PDIA5: variants seen among roughly 807,000 people sequenced by gnomAD.
PDIA5 encodes protein disulfide-isomerase A5.
PDIA5 carries 58 observed loss-of-function variants against 77.6 expected under a neutral mutation model. The observed-to-expected ratio is 0.75, with a 90% CI of 0.61 to 0.93. The LOEUF (loss-of-function observed/expected upper bound fraction) is 0.93, where lower values mean the gene tolerates loss of function less well. Ranked by LOEUF, PDIA5 falls within the 40% of genes least tolerant of loss-of-function variation. The pLI, the probability that PDIA5 is intolerant of heterozygous loss-of-function variation, is 0.00. For synonymous variants in PDIA5, 250 were observed against 252.1 expected (o/e 0.99, Z 0.08); for missense variants, 630 against 647.7 (o/e 0.97, Z 0.30).
chr3:123,155,375 A>G (rs954061520), intron 15 of PDIA5, among the ~76,000 whole-genome samples: 2 of 152,260 alleles, frequency 1.3e-5, no homozygotes, highest in African/African-American at 2.4e-5. Flanking sequence ...ATACAAATTT[A>G]AAAATCCAAC....
At chr3:123,145,224 T>C (rs1160117212) in intron 11 of PDIA5, 2 of 331,194 alleles carry the variant, frequency 6.0e-6, no homozygotes, top group East Asian at 1.3e-4. Flanking sequence ...ATGGAGATAA[T>C]GTCAGTTCCT....
At chr3:123,131,983 T>C (rs1031967428) in intron 11 of PDIA5, among the ~76,000 whole-genome samples, 1 of 152,110 alleles carries the variant, frequency 6.6e-6, no homozygotes, top group African/African-American at 2.4e-5. Flanking sequence ...TAGAGGCATA[T>C]TCTATCAGGA....
chr3:123,151,831 T>TCCTG (rs199778449), intron 14 of PDIA5, among the ~76,000 whole-genome samples: 2 of 121,072 alleles, frequency 1.7e-5, no homozygotes, highest in Non-Finnish European at 3.4e-5. Context: ...CTGCCTGCCT[T>TCCTG]CCTGCCTGCC....
At chr3:123,085,703 T>C (rs762667483) in intron 1 of PDIA5, among the ~76,000 whole-genome samples, 4 of 152,040 alleles carry the variant, frequency 2.6e-5, no homozygotes, top group Non-Finnish European at 5.9e-5. Context: ...CCCCTTTCCT[T>C]CTCCCCAGTT....
At chr3:123,067,474 G>T in intron 1 of PDIA5, 1 of 385,942 alleles carries the variant, frequency 2.6e-6, no homozygotes, top group South Asian at 1.4e-4. Context: ...TTACGCCACG[G>T]CCACAACTTT....
chr3:123,106,290 G>T (rs187799227), intron 5 of PDIA5, among the ~76,000 whole-genome samples: 124 of 152,320 alleles, frequency 8.1e-4, no homozygotes, highest in African/African-American at 2.6e-3. Context: ...CTGCTTATGG[G>T]ATGACAGTTT....
intron 11 of PDIA5, among the ~76,000 whole-genome samples, chr3:123,131,937 A>G (rs1935379566): frequency 6.6e-6 from 1 of 152,064 alleles, no homozygotes; most frequent in South Asian, 2.1e-4. Flanking sequence ...CAGGGCTGAA[A>G]TCGTGAGGTC....
chr3:123,102,852 T>A, intron 5 of PDIA5, 56 bp downstream of exon 5: 1 of 1,173,134 alleles, frequency 8.5e-7, no homozygotes, highest in Non-Finnish European at 1.3e-6. Context: ...ACGCCCAAAG[T>A]CTGGCAGGTT....
At chr3:123,069,415 C>G (rs1222857099) in intron 1 of PDIA5, among the ~76,000 whole-genome samples, 2 of 152,182 alleles carry the variant, frequency 1.3e-5, no homozygotes, top group African/African-American at 4.8e-5. Flanking sequence ...TAAATAATAT[C>G]TGGCCTTGTC....
chr3:123,108,531 C>T (rs1431133270), intron 6 of PDIA5, among the ~76,000 whole-genome samples: 2 of 150,334 alleles, frequency 1.3e-5, no homozygotes, highest in African/African-American at 2.4e-5. Context: ...CCACCCGCCT[C>T]GGCCTCCCAA....
chr3:123,085,862 T>A (rs1300019682), intron 1 of PDIA5, among the ~76,000 whole-genome samples: 1 of 152,236 alleles, frequency 6.6e-6, no homozygotes, highest in African/African-American at 2.4e-5. Flanking sequence ...TTCCAACAGA[T>A]TATTTTTTTT....
At chr3:123,159,768 C>T (rs1429449958) in intron 15 of PDIA5, among the ~76,000 whole-genome samples, 2 of 152,032 alleles carry the variant, frequency 1.3e-5, no homozygotes, top group African/African-American at 2.4e-5. Context: ...AGAAGGGAAG[C>T]GTGAGGGTGA....
chr3:123,141,165 G>C (rs1038063793), intron 11 of PDIA5, among the ~76,000 whole-genome samples: 1 of 152,180 alleles, frequency 6.6e-6, no homozygotes, highest in Non-Finnish European at 1.5e-5. Flanking sequence ...TCAGTGAATG[G>C]CAATGGCTGG....
intron 1 of PDIA5, among the ~76,000 whole-genome samples, chr3:123,078,509 C>T (rs548079546): frequency 6.6e-6 from 1 of 152,098 alleles, no homozygotes; most frequent in Non-Finnish European, 1.5e-5. Flanking sequence ...TGCCCTTTAT[C>T]TCAATTCCAC....
At position 123,146,197 on chromosome 3, in the gene PDIA5, T is replaced by C. The variant is rs1935768406; in HGVS notation, c.1080T>C (p.Asn360=). The change falls in exon 13 of 17, where the codon AAT becomes AAC. Residue 360 remains asparagine, a synonymous_variant. Transcript: ENST00000316218. ...TTCCTACGTTGAAGTATTTTAAGAATGGAGAGAAATACGCAGTGCCTGTGC... is the reference window on the plus strand; with the variant it reads ...TTCCTACGTTGAAGTATTTTAAGAACGGAGAGAAATACGCAGTGCCTGTGC... ...SEFPTLKYFK[N]GEKYAVPVLR... is the part of the protein sequence containing the mutation. The C allele has an allele frequency of 6.2e-7, 1 of 1,613,968 alleles. No individual in the cohort carries two copies. The highest frequency in any genetic ancestry group is 8.5e-7 in the Non-Finnish European group (1 of 1,179,820).
intron 15 of PDIA5, among the ~76,000 whole-genome samples, chr3:123,156,837 C>T (rs574675968): frequency 4.6e-5 from 7 of 152,236 alleles, no homozygotes; most frequent in East Asian, 3.9e-4. Flanking sequence ...GCCCCATTGA[C>T]GTGGCCCCTT....
chr3:123,161,963 C>T lies in PDIA5; in HGVS notation c.*3C>T, dbSNP rs1437921647. On this transcript the variant is annotated 3_prime_UTR_variant, in exon 17 of 17. Coordinates refer to ENST00000316218, the MANE Select transcript of PDIA5 (RefSeq NM_006810.4). ...GGAAAAAGAAGGAAGAGTTATAATT[C>T]CTGCCTCAGAAAAAGCTTTTCCATT... is the stretch of plus-strand genomic sequence containing the variant. The T allele has an allele frequency of 6.4e-7, 1 of 1,558,908 alleles. No homozygotes were observed.
At chr3:123,130,767 T>G (rs1576456330) in intron 11 of PDIA5, 151 bp downstream of exon 11, 9 of 790,770 alleles carry the variant, frequency 1.1e-5, no homozygotes, top group Middle Eastern at 2.3e-4. Flanking sequence ...ACAGGCGAGG[T>G]CCCCACCCTC....
chr3:123,102,164 C>T (rs1273177232), intron 3 of PDIA5, among the ~76,000 whole-genome samples: 2 of 152,166 alleles, frequency 1.3e-5, no homozygotes, highest in African/African-American at 4.8e-5. Context: ...CCTGCCTTGG[C>T]CTCCCAAAGT....
Sources: allele counts gnomAD v4.1 joint callset (sites outside exome capture counted in the v4.1 genomes callset), GRCh38; gene constraint gnomAD v4.1.1; transcripts MANE v1.5; gene names NCBI Gene and HGNC (gene_info 2026-07-23, HGNC 2026-07-21).